The following VDAC1 variants were observed in gnomAD, a reference collection of about 807,000 sequenced individuals.
The protein encoded by VDAC1 is non-selective voltage-gated ion channel VDAC1.
In VDAC1, 10 loss-of-function variants were observed where a neutral mutation model predicts 34.7. That is an observed-to-expected ratio of 0.29 (90% CI 0.18 to 0.49). The LOEUF is 0.49. Among genes scored for constraint, VDAC1 ranks in the 20% least tolerant of loss-of-function variants. The pLI is 0.99. For missense variants in VDAC1, 230 were observed against 347.9 expected (o/e 0.66, Z 2.69); for synonymous variants, 130 against 136.0 (o/e 0.96, Z 0.30).
At chr5:133,975,850 C>T (rs779642682) in intron 7 of VDAC1, 21 bp downstream of exon 7, 25 of 1,607,252 alleles carry the variant, frequency 1.6e-5, no homozygotes, top group Middle Eastern at 2.2e-4. Flanking sequence ...CTGTGAGATG[C>T]GTGATTCCAC....
chr5:133,974,830 G>A (rs1224034867), intron 7 of VDAC1, among the ~76,000 whole-genome samples: 1 of 152,228 alleles, frequency 6.6e-6, no homozygotes, highest in African/African-American at 2.4e-5. Context: ...GTGGGTGCCT[G>A]TGTTCCCAGC....
chr5:134,072,984 G>T, the VDAC1 span, among the ~76,000 whole-genome samples: 24 of 152,320 alleles, frequency 1.6e-4, no homozygotes, highest in East Asian at 4.6e-3. Context: ...GAAGAATGGG[G>T]TGAGTCGCTC....
At chr5:133,981,317 A>T (rs1163510041) in intron 5 of VDAC1, among the ~76,000 whole-genome samples, 1 of 152,212 alleles carries the variant, frequency 6.6e-6, no homozygotes, top group South Asian at 2.1e-4. Context: ...TGCATCTTTG[A>T]TATTTTCCAA....
the VDAC1 span, among the ~76,000 whole-genome samples, chr5:134,033,809 G>C: frequency 1.3e-5 from 2 of 151,740 alleles, no homozygotes; most frequent in Admixed American, 1.3e-4. Flanking sequence ...TGGCTAACAC[G>C]GTGAAACCCC....
chr5:134,041,086 G>A, the VDAC1 span, among the ~76,000 whole-genome samples: 12 of 152,312 alleles, frequency 7.9e-5, no homozygotes, highest in South Asian at 1.2e-3. Context: ...TGGAATAAAT[G>A]CACTCACTTT....
upstream of VDAC1, chr5:134,005,612 T>A (rs1580738100): frequency 6.6e-6 from 1 of 152,218 alleles, no homozygotes; most frequent in East Asian, 1.9e-4. Flanking sequence ...TCACGCCGGT[T>A]ATGGCCGGCC....
the VDAC1 span, among the ~76,000 whole-genome samples, chr5:134,031,677 C>A: frequency 6.6e-6 from 1 of 151,930 alleles, no homozygotes; most frequent in Non-Finnish European, 1.5e-5. Context: ...TTAGGCCAGG[C>A]GCAGTGGCTC....
the VDAC1 span, among the ~76,000 whole-genome samples, chr5:134,074,179 G>A: frequency 6.6e-6 from 1 of 151,952 alleles, no homozygotes; most frequent in Non-Finnish European, 1.5e-5. Flanking sequence ...GGGCGTGGTG[G>A]CAGGCACCTG....
At chr5:134,044,972 C>A in the VDAC1 span, among the ~76,000 whole-genome samples, 1 of 152,188 alleles carries the variant, frequency 6.6e-6, no homozygotes, top group Non-Finnish European at 1.5e-5. Context: ...AGCCAGAGGG[C>A]AGTTTTGGCC....
upstream of VDAC1, among the ~76,000 whole-genome samples, chr5:134,009,424 A>G (rs1038089244): frequency 6.6e-6 from 1 of 151,324 alleles, no homozygotes; most frequent in African/African-American, 2.4e-5. Context: ...ATGCCCAGCT[A>G]ATTTTTGTAT....
At chr5:134,061,944 A>C in the VDAC1 span, among the ~76,000 whole-genome samples, 1 of 151,666 alleles carries the variant, frequency 6.6e-6, no homozygotes. Context: ...GTTCCCTTCA[A>C]TTCTGGATTG....
the VDAC1 span, among the ~76,000 whole-genome samples, chr5:134,059,588 C>T: frequency 2.0e-5 from 3 of 152,110 alleles, no homozygotes; most frequent in East Asian, 5.8e-4. Flanking sequence ...CAGGAGCTGA[C>T]CCCACAGGCC....
intron 1 of VDAC1, 46 bp from the exon 2 acceptor site, chr5:133,993,064 A>G (rs775342693): frequency 1.3e-6 from 2 of 1,548,032 alleles, no homozygotes; most frequent in Non-Finnish European, 1.8e-6. Context: ...TAATTAGGGA[A>G]ATTAGCTTTC....
At chr5:134,052,844 C>T in the VDAC1 span, among the ~76,000 whole-genome samples, 2 of 151,184 alleles carry the variant, frequency 1.3e-5, no homozygotes, top group Non-Finnish European at 2.9e-5. Context: ...TGGCCGGGTG[C>T]GGTGGCTCAT....
At chr5:133,987,683 G>C (rs1308284255) in intron 5 of VDAC1, among the ~76,000 whole-genome samples, 1 of 150,852 alleles carries the variant, frequency 6.6e-6, no homozygotes, top group African/African-American at 2.4e-5. Context: ...TTGCAGGCAA[G>C]AATCACCAAT....
At position 133,975,975 on chromosome 5, in the gene VDAC1, T is replaced by C; in HGVS notation, c.598A>G (p.Lys200Glu). ...AGATTGACAGCGGTCTCCAACTTCT[T>C]GTTCACTTTCTGGTAAATGGAGCCG... ...FGGSIYQKVN[K>E]KLETAVNLAW... The change falls in exon 7 of 9, where the codon AAG becomes GAG. Residue 200 changes from lysine to glutamate, a missense_variant. Lys to Glu is a moderately conservative substitution (Grantham distance 56). Transcript: ENST00000265333. The C allele has an allele frequency of 6.2e-7, 1 of 1,613,962 alleles. No individual in the cohort carries two copies.
rs752298336 is a variant in VDAC1 at position 133,991,184 on chromosome 5, G to A, written c.118-30C>T. ...AAAGGAGAGAGAAGAGTCACAGCCTGCACCATAGCACTCACTTGGCTTCAC... is the reference window on the plus strand; with the variant it reads ...AAAGGAGAGAGAAGAGTCACAGCCTACACCATAGCACTCACTTGGCTTCAC... On this transcript the variant is annotated intron_variant, in intron 3 of 8. Coordinates refer to ENST00000265333, the MANE Select transcript of VDAC1 (RefSeq NM_003374.3). The A allele has an allele frequency of 2.1e-5, 34 of 1,604,038 alleles. 2 individuals carry two copies. In the South Asian group the frequency reaches 3.6e-4, roughly 17 times the overall value.
At chr5:134,078,760 C>G in the VDAC1 span, among the ~76,000 whole-genome samples, 1 of 149,412 alleles carries the variant, frequency 6.7e-6, no homozygotes, top group African/African-American at 2.5e-5. Context: ...AAGCAATTCT[C>G]CTGCCTCAGC....
the VDAC1 span, among the ~76,000 whole-genome samples, chr5:134,023,516 C>G: frequency 6.6e-6 from 1 of 150,746 alleles, no homozygotes; most frequent in Non-Finnish European, 1.5e-5. Flanking sequence ...CTTCTGGGCC[C>G]CCTCTCCATG....
Sources: allele counts gnomAD v4.1 joint callset (sites outside exome capture counted in the v4.1 genomes callset), GRCh38; gene constraint gnomAD v4.1.1; transcripts MANE v1.5; gene names NCBI Gene and HGNC (gene_info 2026-07-23, HGNC 2026-07-21).